The following KIF27 variants were observed in gnomAD, a reference collection of about 807,000 sequenced individuals.
The protein encoded by KIF27 is kinesin-like protein KIF27.
KIF27 carries 84 observed loss-of-function variants against 141.8 expected under a neutral mutation model. The ratio of observed to expected loss-of-function variants is 0.59; its 90% confidence interval spans 0.50 to 0.71. The LOEUF (loss-of-function observed/expected upper bound fraction) is 0.71. Ranked by LOEUF, KIF27 falls within the 30% of genes least tolerant of loss-of-function variation. The pLI, the probability that KIF27 is intolerant of heterozygous loss-of-function variation, is 0.00. For missense variants in KIF27, 1,306 were observed against 1,628.4 expected (o/e 0.80, Z 3.41); for synonymous variants, 471 against 569.5 (o/e 0.83, Z 2.46).
chr9:83,854,525 C>T (rs533258606), intron 14 of KIF27, among the ~76,000 whole-genome samples: 1 of 152,118 alleles, frequency 6.6e-6, no homozygotes, highest in Non-Finnish European at 1.5e-5. Context: ...TAGAGAAGAT[C>T]GATGAATCCC....
intron 1 of KIF27, among the ~76,000 whole-genome samples, chr9:83,918,330 G>GC (rs567699114): frequency 2.1e-5 from 3 of 144,584 alleles, no homozygotes; most frequent in East Asian, 2.2e-4. Flanking sequence ...AAATGGGGGG[G>GC]GGGCAGGACA....
chr9:83,917,808 C>G (rs1305999461), intron 1 of KIF27, among the ~76,000 whole-genome samples: 1 of 152,074 alleles, frequency 6.6e-6, no homozygotes, highest in Non-Finnish European at 1.5e-5. Context: ...AAAAATGGAC[C>G]ATAGACCTAA....
chr9:83,841,885 CTACCA>C (rs1465442752), intron 17 of KIF27, among the ~76,000 whole-genome samples: 1 of 152,016 alleles, frequency 6.6e-6, no homozygotes, highest in Non-Finnish European at 1.5e-5. Flanking sequence ...TTACTCTTAC[CTACCA>C]TACATCTTTT....
chr9:83,853,650 A>G lies in KIF27; in HGVS notation c.3336T>C (p.Ile1112=). 6.2e-7 allele frequency: 1 copy of G among 1,613,592 alleles called. No homozygotes were observed. The highest frequency in any genetic ancestry group is 8.5e-7 in the Non-Finnish European group (1 of 1,179,568). The change falls in exon 15 of 18, where the codon ATT becomes ATC. Residue 1112 remains isoleucine, a synonymous_variant. Transcript: ENST00000297814. ...AAACCTTATTGAAATATCTGAAAAG[A>G]ATAGTTCTAATCTCAACAGGACTCA... ...ACLSPVEIRT[I]LFRYFNKVVN... is the part of the protein sequence containing the mutation.
chr9:83,864,327 C>G (rs2131951843), intron 13 of KIF27, among the ~76,000 whole-genome samples: 1 of 152,286 alleles, frequency 6.6e-6, no homozygotes, highest in Non-Finnish European at 1.5e-5. Flanking sequence ...ATAAATTTCC[C>G]TCTACACACT....
At chr9:83,914,281 T>C (rs1266073887) in intron 2 of KIF27, among the ~76,000 whole-genome samples, 3 of 151,834 alleles carry the variant, frequency 2.0e-5, no homozygotes, top group African/African-American at 7.2e-5. Context: ...ATTCTTTTTA[T>C]TGTAAGACGC....
chr9:83,858,805 A>C, intron 14 of KIF27: 2 of 274,500 alleles, frequency 7.3e-6, no homozygotes, highest in Non-Finnish European at 1.4e-5. Flanking sequence ...TGTATAGAGA[A>C]AAGTCAGGTG....
At chr9:83,906,165 A>C (rs1245531547) in intron 3 of KIF27, among the ~76,000 whole-genome samples, 1 of 152,232 alleles carries the variant, frequency 6.6e-6, no homozygotes, top group Non-Finnish European at 1.5e-5. Flanking sequence ...CATCAGTATG[A>C]ATTCTATCCA....
At chr9:83,913,081 C>T (rs568481136) in intron 2 of KIF27, among the ~76,000 whole-genome samples, 32 of 151,930 alleles carry the variant, frequency 2.1e-4, no homozygotes, top group African/African-American at 7.2e-4. Flanking sequence ...GGAAGAATCT[C>T]GTAAGCCCAG....
Position 83,888,577 on chromosome 9 carries a change from T to C in KIF27, c.1995A>G (p.Ser665=), listed in dbSNP as rs1388187074. The change falls in exon 8 of 18, where the codon TCA becomes TCG. Residue 665 remains serine, a synonymous_variant. Transcript: ENST00000297814. ...EKSGTRCRSR[S]WIQKPDSVCS... ...AAACAGAGTCTGGCTTCTGAATCCA[T>C]GAACGACTTCTACATCTTAAAAAAA... The C allele has an allele frequency of 6.3e-7, 1 of 1,593,044 alleles. No homozygotes were observed. The highest frequency in any genetic ancestry group is 8.6e-7 in the Non-Finnish European group (1 of 1,166,028).
At chr9:83,848,331 C>CA (rs1203966507) in intron 16 of KIF27, among the ~76,000 whole-genome samples, 5 of 87,872 alleles carry the variant, frequency 5.7e-5, no homozygotes, top group African/African-American at 1.5e-4. Flanking sequence ...ATCTATATAT[C>CA]TATATATATC....
chr9:83,908,587 A>G lies in KIF27; in HGVS notation c.364T>C (p.Ser122Pro). 1 of 1,612,144 alleles carries G rather than the reference A, an allele frequency of 6.2e-7. No homozygotes were observed. The highest frequency in any genetic ancestry group is 1.1e-5 in the South Asian group (1 of 90,806). ...TTAAAGTCAATGCTAGGATGTTCAG[A>G]GATGCTTTGAAATATTTCTTGAATA... ...RAIQEIFQSI[S>P]EHPSIDFNVK... The change falls in exon 3 of 18, where the codon TCT (serine) becomes CCT (proline). Residue 122 changes from serine (S) to proline (P), a missense_variant. Physicochemically the swap from Ser to Pro is moderately conservative, Grantham distance 74. Transcript: ENST00000297814.
At chr9:83,896,157 C>T (rs1953225339) in intron 5 of KIF27, among the ~76,000 whole-genome samples, 1 of 151,438 alleles carries the variant, frequency 6.6e-6, no homozygotes, top group African/African-American at 2.4e-5. Flanking sequence ...GCAGGAGAAT[C>T]GCTTGAGCCC....
At chr9:83,921,219 C>CG (rs1956243988) in intron 1 of KIF27, among the ~76,000 whole-genome samples, 152 bp downstream of exon 1, 1 of 152,066 alleles carries the variant, frequency 6.6e-6, no homozygotes, top group Non-Finnish European at 1.5e-5. Flanking sequence ...GCTACCCACC[C>CG]GCGGCGGCCC....
Position 83,883,854 on chromosome 9 carries a change from CT to C in KIF27, c.2403del (p.Glu802SerfsTer11). The C allele has an allele frequency of 6.2e-7, 1 of 1,613,336 alleles. No individual in the cohort carries two copies. Among genetic ancestry groups the C allele is most frequent in the Non-Finnish European group, 8.5e-7 (1 of 1,179,542 alleles). ...SDVAMKVKLQ[K>X]EFRKKMDAAK... ...GCAGCATCCATCTTTTTACGAAACT[CT>C]TTCTGTAATTTTACCTTCATTGCAA... is the stretch of plus-strand genomic sequence containing the variant. On this transcript the variant is annotated frameshift_variant, in exon 10 of 18. Coordinates refer to ENST00000297814, the MANE Select transcript of KIF27 (RefSeq NM_017576.4). LOFTEE classifies it high-confidence loss of function.
chr9:83,861,683 G>T (rs1949932538), intron 13 of KIF27, among the ~76,000 whole-genome samples: 1 of 151,322 alleles, frequency 6.6e-6, no homozygotes, highest in South Asian at 2.1e-4. Context: ...TAATCCTTTG[G>T]GTATATACCC....
At chr9:83,911,417 G>A (rs897359288) in intron 2 of KIF27, among the ~76,000 whole-genome samples, 1 of 152,106 alleles carries the variant, frequency 6.6e-6, no homozygotes, top group African/African-American at 2.4e-5. Flanking sequence ...TTTTAGTAGA[G>A]ATGGGGTTTC....
intron 1 of KIF27, among the ~76,000 whole-genome samples, chr9:83,920,633 G>A (rs371610565): frequency 6.6e-6 from 1 of 152,142 alleles, no homozygotes; most frequent in African/African-American, 2.4e-5. Flanking sequence ...ACGGAGCTCA[G>A]AAAAGGCCCC....
chr9:83,867,917 T>C, intron 12 of KIF27, 57 bp from the exon 13 acceptor site: 1 of 1,475,522 alleles, frequency 6.8e-7, no homozygotes, highest in Non-Finnish European at 9.1e-7. Context: ...AAAAATTATA[T>C]GGTAATAATA....
Sources: allele counts gnomAD v4.1 joint callset (sites outside exome capture counted in the v4.1 genomes callset), GRCh38; gene constraint gnomAD v4.1.1; transcripts MANE v1.5; gene names NCBI Gene and HGNC (gene_info 2026-07-23, HGNC 2026-07-21).